NEBL: variants seen among roughly 807,000 people sequenced by gnomAD.
NEBL encodes the protein LIM and SH3 protein 2.
In NEBL, 122 loss-of-function variants were observed where a neutral mutation model predicts 140.2. The ratio of observed to expected loss-of-function variants is 0.87; its 90% CI spans 0.75 to 1.01. The LOEUF (loss-of-function observed/expected upper bound fraction) is 1.01, where lower values mean the gene tolerates loss of function less well. NEBL is among the 50% of genes least tolerant of loss of function. The pLI is 0.00. For synonymous variants in NEBL, 436 were observed against 398.9 expected (o/e 1.09, Z -1.11); for missense variants, 1,365 against 1,231.3 (o/e 1.11, Z -1.62).
intron 2 of NEBL, among the ~76,000 whole-genome samples, chr10:21,088,542 T>G (rs1322055052): frequency 6.6e-6 from 1 of 152,144 alleles, no homozygotes; most frequent in Non-Finnish European, 1.5e-5. Flanking sequence ...TGACCTTCTT[T>G]CAATGGCCAA....
chr10:20,845,168 C>T, intron 12 of NEBL, 90 bp downstream of exon 12: 1 of 798,330 alleles, frequency 1.3e-6, no homozygotes, highest in South Asian at 1.6e-5. Flanking sequence ...ATATCTGAAA[C>T]ACTGAATTAG....
intron 1 of NEBL, among the ~76,000 whole-genome samples, chr10:21,267,214 G>A (rs1173946778): frequency 5.3e-5 from 8 of 152,096 alleles, no homozygotes; most frequent in Non-Finnish European, 5.9e-5. Context: ...GACCTCAGGT[G>A]ATCCGCCCAC....
chr10:20,927,305 T>C (rs1326438392), intron 4 of NEBL, among the ~76,000 whole-genome samples: 2 of 152,248 alleles, frequency 1.3e-5, no homozygotes, highest in African/African-American at 2.4e-5. Context: ...TTTAAATTAT[T>C]CCTATTAAAT....
chr10:21,004,206 C>T (rs1490180848), intron 3 of NEBL, among the ~76,000 whole-genome samples: 1 of 152,112 alleles, frequency 6.6e-6, no homozygotes, highest in Non-Finnish European at 1.5e-5. Flanking sequence ...TTGGTAACAA[C>T]AGTGTTGTTT....
intron 3 of NEBL, among the ~76,000 whole-genome samples, chr10:20,975,626 C>T (rs1418640467): frequency 6.6e-5 from 10 of 152,114 alleles, no homozygotes; most frequent in Non-Finnish European, 1.3e-4. Context: ...ACGAAACCCA[C>T]GTCAAGATGA....
intron 4 of NEBL, among the ~76,000 whole-genome samples, chr10:20,943,430 C>T (rs948191747): frequency 3.9e-5 from 6 of 152,156 alleles, no homozygotes; most frequent in South Asian, 2.1e-4. Context: ...TCACACACCG[C>T]GGCCTGTGGT....
intron 3 of NEBL, among the ~76,000 whole-genome samples, chr10:21,200,935 A>T (rs2132226803): frequency 6.6e-6 from 1 of 152,204 alleles, no homozygotes; most frequent in East Asian, 1.9e-4. Context: ...CTAAAAAAAT[A>T]AAAAATTATC....
chr10:20,932,746 T>C (rs1415382242), intron 4 of NEBL, among the ~76,000 whole-genome samples: 1 of 152,244 alleles, frequency 6.6e-6, no homozygotes, highest in Non-Finnish European at 1.5e-5. Flanking sequence ...TTGTCGATAC[T>C]AATCGTTGTG....
intron 2 of NEBL, chr10:21,146,316 A>G: frequency 6.3e-7 from 1 of 1,592,538 alleles, no homozygotes. Flanking sequence ...CATGCAGTAT[A>G]AACCTGCCCC....
intron 19 of NEBL, among the ~76,000 whole-genome samples, chr10:20,821,817 C>A (rs552043270): frequency 1.3e-5 from 2 of 152,280 alleles, no homozygotes; most frequent in South Asian, 4.1e-4. Flanking sequence ...TACGCTCCTG[C>A]CATCTTTCAC....
intron 2 of NEBL, among the ~76,000 whole-genome samples, chr10:21,135,200 A>AACACATT (rs1839295841): frequency 6.6e-6 from 1 of 152,210 alleles, no homozygotes; most frequent in Non-Finnish European, 1.5e-5. Flanking sequence ...CATTCAAGAA[A>AACACATT]ACACATTTTC....
intron 2 of NEBL, among the ~76,000 whole-genome samples, chr10:21,111,928 A>G (rs1838030941): frequency 6.6e-6 from 1 of 152,228 alleles, no homozygotes; most frequent in Non-Finnish European, 1.5e-5. Context: ...AAAGTGGGAA[A>G]GGATATGAAC....
chr10:21,127,944 G>C (rs538340560), intron 2 of NEBL, among the ~76,000 whole-genome samples: 1 of 152,144 alleles, frequency 6.6e-6, no homozygotes, highest in Non-Finnish European at 1.5e-5. Flanking sequence ...AAGGAATTAA[G>C]TAATTATTAT....
At chr10:20,871,526 C>A (rs2131254663) in intron 5 of NEBL, among the ~76,000 whole-genome samples, 1 of 152,230 alleles carries the variant, frequency 6.6e-6, no homozygotes, top group East Asian at 1.9e-4. Flanking sequence ...TATTTTATTT[C>A]AATGAAACAT....
intron 3 of NEBL, among the ~76,000 whole-genome samples, chr10:21,188,792 G>A (rs570682634): frequency 2.2e-4 from 33 of 151,894 alleles, no homozygotes; most frequent in African/African-American, 6.8e-4. Context: ...GTTTCATCAC[G>A]TCGGCCAGGC....
At chr10:21,131,074 T>C (rs923697405) in intron 2 of NEBL, among the ~76,000 whole-genome samples, 1 of 152,084 alleles carries the variant, frequency 6.6e-6, no homozygotes, top group Admixed American at 6.6e-5. Flanking sequence ...ACAGATGCCA[T>C]AGATATTAAA....
chr10:20,923,358 C>T (rs543527307), intron 4 of NEBL, among the ~76,000 whole-genome samples: 2 of 152,210 alleles, frequency 1.3e-5, no homozygotes, highest in South Asian at 4.2e-4. Context: ...TGAAACACCA[C>T]ACCTGGCCAC....
intron 2 of NEBL, among the ~76,000 whole-genome samples, chr10:21,125,319 T>C (rs1838772564): frequency 6.6e-6 from 1 of 152,066 alleles, no homozygotes; most frequent in Admixed American, 6.6e-5. Context: ...CACATTGAAA[T>C]GAAACCACGA....
In NEBL at chr10:21,199,217, TG is replaced by T. The variant is rs796862842; in HGVS notation, n.349-26741del. ...ATTTTAATTTTTGTGTTTTTAGAGATGGGGGGGGTCTCACTATGTTGCTAAG... is the reference window on the plus strand; with the variant it reads ...ATTTTAATTTTTGTGTTTTTAGAGATGGGGGGGTCTCACTATGTTGCTAAG... On this transcript the variant is annotated intron_variant and non_coding_transcript_variant, in intron 3 of 8. Transcript: ENST00000675702. 9.9e-5 allele frequency among the ~76,000 whole-genome samples: 15 copies of T among 151,204 alleles called. No homozygotes were observed. The South Asian group carries it at 1.0e-3, about 11-fold the overall frequency.
Sources: gnomAD v4.1 joint callset for allele counts (sites outside exome capture counted in the v4.1 genomes callset) on GRCh38, gnomAD v4.1.1 for gene constraint, MANE v1.5 for transcripts, NCBI Gene and HGNC (gene_info 2026-07-23, HGNC 2026-07-21) for gene names.